BCAT1: variants seen among roughly 807,000 people sequenced by gnomAD.
BCAT1 encodes branched chain amino acid transaminase 1, also known as branched-chain-amino-acid aminotransferase, cytosolic.
In BCAT1, 48 loss-of-function variants were observed where a neutral mutation model predicts 52.4. The ratio of observed to expected loss-of-function variants is 0.92; its 90% CI spans 0.73 to 1.16. The LOEUF (loss-of-function observed/expected upper bound fraction) is 1.16. Ranked by LOEUF, BCAT1 falls within the 50% of genes most tolerant of loss-of-function variation. The pLI is 0.00. For missense variants in BCAT1, 451 were observed against 457.1 expected, an observed-to-expected ratio of 0.99 and a Z score of 0.12; for synonymous variants, 167 against 161.3, an observed-to-expected ratio of 1.04 and a Z score of -0.27.
intron 9 of BCAT1, 141 bp downstream of exon 9, chr12:24,832,582 T>A (rs1266527013): frequency 2.4e-5 from 26 of 1,076,138 alleles, no homozygotes; most frequent in Non-Finnish European, 3.4e-5. Flanking sequence ...CTCCATCTCT[T>A]TAAAATAAAG....
chr12:24,849,908 A>G lies in BCAT1; in HGVS notation c.552T>C (p.Phe184=). ...AAGGTCCCACTGGGCTCAAGAGTAC[A>G]AAGAGCAGGGCTTTGGTAGGCTTCT... is the stretch of plus-strand genomic sequence containing the variant. The part of the protein sequence containing the change: ...GVKKPTKALL[F]VLLSPVGPYF... The change falls in exon 6 of 11, where the codon TTT becomes TTC. Residue 184 remains phenylalanine (F), a synonymous_variant. Transcript: ENST00000261192. The G allele has an allele frequency of 6.2e-7, 1 of 1,613,456 alleles. No homozygotes were observed. The highest frequency in any genetic ancestry group is 8.5e-7 in the Non-Finnish European group (1 of 1,179,522).
At chr12:24,835,635 T>C (rs761331270) in intron 8 of BCAT1, among the ~76,000 whole-genome samples, 2 of 152,070 alleles carry the variant, frequency 1.3e-5, no homozygotes, top group Non-Finnish European at 2.9e-5. Flanking sequence ...GTATTCAGGC[T>C]GTAGTGCAGT....
At position 24,815,225 on chromosome 12, in the gene BCAT1, A is replaced by G. The variant is rs980690551; in HGVS notation, c.*2783T>C. 1 of 152,206 alleles carries G rather than the reference A, an allele frequency of 6.6e-6. No individual in the cohort carries two copies. The highest frequency in any genetic ancestry group is 1.5e-5 in the Non-Finnish European group (1 of 68,018). 9.4% of individuals were successfully genotyped at this position (152,206 alleles called of 1,614,324 possible). On this transcript the variant is annotated 3_prime_UTR_variant, in exon 11 of 11. Coordinates refer to ENST00000261192, the MANE Select transcript of BCAT1 (RefSeq NM_005504.7). ...CGGTCTGAAATGTAGAAACTGAAAA[A>G]AGTGAAAGGAAGAGAACATGCAATA...
intron 5 of BCAT1, among the ~76,000 whole-genome samples, chr12:24,858,041 A>T (rs1941743082): frequency 6.6e-6 from 1 of 152,200 alleles, no homozygotes; most frequent in Non-Finnish European, 1.5e-5. Context: ...CAATATAAAA[A>T]TGAGATCTGT....
chr12:24,843,260 A>T (rs565073294), intron 6 of BCAT1, among the ~76,000 whole-genome samples: 1 of 152,248 alleles, frequency 6.6e-6, no homozygotes, highest in Admixed American at 6.5e-5. Context: ...GGTCTCTTAG[A>T]CTCTTTTACA....
At chr12:24,867,727 C>T (rs1290586373) in intron 5 of BCAT1, among the ~76,000 whole-genome samples, 2 of 152,136 alleles carry the variant, frequency 1.3e-5, no homozygotes, top group African/African-American at 4.8e-5. Flanking sequence ...AAAGATAAAG[C>T]TGGCTGGTGG....
intron 1 of BCAT1, among the ~76,000 whole-genome samples, chr12:24,910,447 G>A (rs1026605305): frequency 7.9e-5 from 12 of 151,944 alleles, no homozygotes; most frequent in African/African-American, 2.4e-4. Flanking sequence ...AGGCCACAAA[G>A]TTTGGGGTGG....
Position 24,894,377 on chromosome 12 carries a change from C to T in BCAT1, c.177G>A (p.Thr59=), listed in dbSNP as rs1189444302. The change falls in exon 3 of 11, where the codon ACG becomes ACA. Residue 59 remains threonine, a synonymous_variant. Coordinates refer to ENST00000261192, the MANE Select transcript of BCAT1 (RefSeq NM_005504.7). ...ATCCAAACTCTGAGGACCACTCCAC[C>T]GTCAGCATATGATCCGTGAACACAG... ...FGTVFTDHML[T]VEWSSEFGWE... is the part of the protein sequence containing the mutation. 8.1e-6 allele frequency: 13 copies of T among 1,613,748 alleles called. No homozygotes were observed. The highest frequency in any genetic ancestry group is 3.3e-4 in the Middle Eastern group (2 of 6,062).
chr12:24,938,166 A>G (rs1383297410), intron 1 of BCAT1, among the ~76,000 whole-genome samples: 3 of 151,938 alleles, frequency 2.0e-5, no homozygotes, highest in Non-Finnish European at 4.4e-5. Flanking sequence ...GAGAGCACAG[A>G]CTCCTGGTCT....
In BCAT1 at chr12:24,812,668, A is replaced by G. The variant is rs973267815; in HGVS notation, c.*5340T>C. 6.6e-6 allele frequency: 1 copy of G among 152,036 alleles called. No individual in the cohort carries two copies. Among genetic ancestry groups the G allele is most frequent in the African/African-American group, 2.4e-5 (1 of 41,456 alleles). The allele number at this position is 152,036 out of a possible 1,614,324, so 9.4% of individuals were successfully genotyped here. A position where few individuals can be genotyped will look rare whatever the true frequency, so the allele number is the denominator to read the frequency against. On this transcript the variant is annotated 3_prime_UTR_variant, in exon 11 of 11. Coordinates refer to ENST00000261192, the MANE Select transcript of BCAT1 (RefSeq NM_005504.7). ...GGAAAAAGCTCCTTTGGATAACACA[A>G]AAATATGTTTTGTTTTTTTCCCCTC...
At position 24,816,524 on chromosome 12, in the gene BCAT1, A is replaced by T. The variant is rs910922082; in HGVS notation, c.*1484T>A. The T allele has an allele frequency of 7.6e-6, 3 of 397,246 alleles. No homozygotes were observed. The highest frequency in any genetic ancestry group is 1.3e-4 in the South Asian group (1 of 7,828). The allele number at this position is 397,246 out of a possible 1,614,324, so 24.6% of individuals were successfully genotyped here. On this transcript the variant is annotated 3_prime_UTR_variant, in exon 11 of 11. Coordinates refer to ENST00000261192, the MANE Select transcript of BCAT1 (RefSeq NM_005504.7). ...CTAACCACTTGCTCATCAAATCTCC[A>T]TTCAAAGAAAAGAGCACCTGCAAAA...
At chr12:24,924,540 C>G (rs999467209) in intron 1 of BCAT1, among the ~76,000 whole-genome samples, 1 of 152,186 alleles carries the variant, frequency 6.6e-6, no homozygotes, top group Non-Finnish European at 1.5e-5. Flanking sequence ...TACACAACCT[C>G]ACTTCAGTGT....
chr12:24,891,056 A>G (rs781679903), intron 3 of BCAT1, among the ~76,000 whole-genome samples: 1 of 152,136 alleles, frequency 6.6e-6, no homozygotes, highest in Middle Eastern at 3.2e-3. Context: ...AGAGTAGAGG[A>G]AAAACTCGGT....
intron 10 of BCAT1, among the ~76,000 whole-genome samples, chr12:24,826,115 G>A (rs1274623374): frequency 6.6e-6 from 1 of 152,152 alleles, no homozygotes; most frequent in African/African-American, 2.4e-5. Flanking sequence ...GGAAAGCCAA[G>A]GTGGGAGAAT....
At chr12:24,907,185 C>T (rs112419385) in intron 1 of BCAT1, among the ~76,000 whole-genome samples, 3 of 152,226 alleles carry the variant, frequency 2.0e-5, no homozygotes, top group Non-Finnish European at 4.4e-5. Context: ...ATACCTGTAA[C>T]ATTCCCTGCC....
intron 1 of BCAT1, among the ~76,000 whole-genome samples, chr12:24,928,222 A>C (rs1026692533): frequency 5.9e-5 from 9 of 152,148 alleles, no homozygotes; most frequent in Admixed American, 1.3e-4. Context: ...TCATCGTTCT[A>C]GTTCTGTAAA....
intron 1 of BCAT1, among the ~76,000 whole-genome samples, chr12:24,912,622 T>C (rs1943346723): frequency 6.6e-6 from 1 of 151,332 alleles, no homozygotes; most frequent in African/African-American, 2.4e-5. Flanking sequence ...CACAGCACTT[T>C]GGGAAGCTGA....
chr12:24,849,605 G>A (rs766699964), intron 6 of BCAT1, among the ~76,000 whole-genome samples, 181 bp downstream of exon 6: 11 of 152,122 alleles, frequency 7.2e-5, no homozygotes, highest in Non-Finnish European at 1.0e-4. Context: ...TTCATACTGC[G>A]TTTATATAGG....
chr12:24,841,055 G>A (rs533625393), intron 7 of BCAT1, among the ~76,000 whole-genome samples: 9 of 152,008 alleles, frequency 5.9e-5, no homozygotes, highest in African/African-American at 2.2e-4. Context: ...AACCCCTATG[G>A]TCTCTGCCAA....
Sources: allele counts gnomAD v4.1 joint callset (sites outside exome capture counted in the v4.1 genomes callset), GRCh38; gene constraint gnomAD v4.1.1; transcripts MANE v1.5; gene names NCBI Gene and HGNC (gene_info 2026-07-23, HGNC 2026-07-21).